The following GRIP1 variants were observed in gnomAD, a reference collection of about 807,000 sequenced individuals.
The protein encoded by GRIP1 is glutamate receptor interacting protein 1.
Under a neutral mutation model 129.9 loss-of-function variants are expected in GRIP1, and 45 were observed. The ratio of observed to expected loss-of-function variants is 0.35; its 90% confidence interval spans 0.27 to 0.44. The LOEUF (loss-of-function observed/expected upper bound fraction) is 0.44. Among genes scored for constraint, GRIP1 ranks in the 20% least tolerant of loss-of-function variants. GRIP1 has a pLI of 1.00. For synonymous variants in GRIP1, 530 were observed against 520.8 expected (o/e 1.02, Z -0.24); for missense variants, 1,196 against 1,396.8 (o/e 0.86, Z 2.29).
At chr12:66,422,559 C>T (rs1047870754) in intron 14 of GRIP1, among the ~76,000 whole-genome samples, 1 of 145,530 alleles carries the variant, frequency 6.9e-6, no homozygotes, top group African/African-American at 2.4e-5. Context: ...CATCACATAG[C>T]ACTCAATGTT....
chr12:67,050,561 C>T (rs764605742), intron 1 of GRIP1, among the ~76,000 whole-genome samples: 1 of 152,142 alleles, frequency 6.6e-6, no homozygotes, highest in Non-Finnish European at 1.5e-5. Flanking sequence ...AATAACACTA[C>T]AGAACGGCAG....
chr12:67,038,074 A>G lies in GRIP1; in HGVS notation c.58+30976T>C, dbSNP rs140874602. ...GATCTACACTGGCTATCTGATGTCT[A>G]TAACTGTTGTCTGACTATCCAATAC... On this transcript the variant is annotated intron_variant, in intron 1 of 1. Coordinates refer to the GRIP1 transcript ENST00000643019. Among the ~76,000 whole-genome samples the G allele has an allele frequency of 2.0e-3, 301 of 152,348 alleles. 3 individuals are homozygous for G. Among genetic ancestry groups the G allele is most frequent in the African/African-American group, 6.9e-3 (288 of 41,586 alleles).
At position 66,776,986 on chromosome 12, in the gene GRIP1, T is replaced by C. The variant is rs1164500227; in HGVS notation, c.-420+27067A>G. Among the ~76,000 whole-genome samples, 3 of 152,324 alleles carry C rather than the reference T, an allele frequency of 2.0e-5. No homozygotes were observed. The East Asian group carries it at 5.8e-4, about 29-fold the overall frequency. On this transcript the variant is annotated intron_variant, in intron 1 of 4. Transcript: ENST00000538373. ...GTGCAAAGATATGTTGATTCCAGGA[T>C]ATATACACGGTCTTGTAGTTCTGAT...
chr12:66,709,877 C>G (rs933151935), intron 1 of GRIP1, among the ~76,000 whole-genome samples: 1 of 151,878 alleles, frequency 6.6e-6, no homozygotes, highest in African/African-American at 2.4e-5. Context: ...TACTATTTAC[C>G]CAGACCTTTG....
At chr12:66,865,453 C>G (rs2040186924) in intron 1 of GRIP1, among the ~76,000 whole-genome samples, 1 of 150,104 alleles carries the variant, frequency 6.7e-6, no homozygotes, top group Non-Finnish European at 1.5e-5. Flanking sequence ...CTAAATAGAG[C>G]TAGCAGATCT....
intron 1 of GRIP1, among the ~76,000 whole-genome samples, chr12:66,778,985 A>C (rs1256094855): frequency 6.6e-6 from 1 of 152,216 alleles, no homozygotes; most frequent in Non-Finnish European, 1.5e-5. Context: ...TGTGAGATTA[A>C]GAGAAGAACA....
At chr12:66,742,068 C>T (rs925206926) in intron 1 of GRIP1, among the ~76,000 whole-genome samples, 1 of 152,106 alleles carries the variant, frequency 6.6e-6, no homozygotes, top group Non-Finnish European at 1.5e-5. Context: ...TATACAGTAA[C>T]TAGGTTATTT....
At chr12:66,857,262 T>C (rs1038939654) in intron 1 of GRIP1, among the ~76,000 whole-genome samples, 10 of 152,016 alleles carry the variant, frequency 6.6e-5, no homozygotes, top group Non-Finnish European at 1.0e-4. Context: ...TTAGGAGATA[T>C]ACCTAATGTT....
At chr12:66,554,137 T>C (rs116286634) in intron 2 of GRIP1, among the ~76,000 whole-genome samples, 2,317 of 152,190 alleles carry the variant, frequency 0.015, 64 homozygotes, top group African/African-American at 0.053. Flanking sequence ...AGTTTGCAGT[T>C]CCAAAAGTGA....
chr12:66,792,486 C>T (rs12301513), intron 1 of GRIP1, among the ~76,000 whole-genome samples: 177 of 152,164 alleles, frequency 1.2e-3, no homozygotes, highest in Non-Finnish European at 1.9e-3. Context: ...GAGGGGTGAG[C>T]TTGAGTTCAG....
chr12:66,392,963 TTA>T, intron 17 of GRIP1, 147 bp from the exon 18 acceptor site: 1 of 783,050 alleles, frequency 1.3e-6, no homozygotes, highest in East Asian at 2.5e-5. Context: ...CTGGGCAATG[TTA>T]TAAGATAACT....
At chr12:66,797,880 T>C (rs1028036957) in intron 1 of GRIP1, among the ~76,000 whole-genome samples, 2 of 152,080 alleles carry the variant, frequency 1.3e-5, no homozygotes, top group African/African-American at 4.8e-5. Context: ...ATTTGCAAAC[T>C]CTCACAGGAG....
intron 2 of GRIP1, among the ~76,000 whole-genome samples, chr12:66,556,540 T>C (rs969384305): frequency 7.2e-5 from 11 of 152,030 alleles, no homozygotes; most frequent in Middle Eastern, 3.4e-3. Context: ...TATAACACTG[T>C]AATGGTGGTA....
rs1024143269 is a variant in GRIP1 at position 66,801,125 on chromosome 12, T to A, written c.-420+2928A>T. ...GAAATCAAGCAAAGTTCAAAATATA[T>A]ACAATATAGTTCTATAACTGGGAAA... is the stretch of plus-strand genomic sequence containing the variant. On this transcript the variant is annotated intron_variant, in intron 1 of 4. Transcript: ENST00000538373. 4.6e-5 allele frequency among the ~76,000 whole-genome samples: 7 copies of A among 152,204 alleles called. No homozygotes were observed. In the South Asian group the frequency reaches 1.5e-3, roughly 32 times the overall value.
intron 1 of GRIP1, among the ~76,000 whole-genome samples, chr12:66,722,139 T>C (rs2036077625): frequency 6.6e-6 from 1 of 152,202 alleles, no homozygotes; most frequent in African/African-American, 2.4e-5. Flanking sequence ...TCCTTTGCAT[T>C]CACAACTTGG....
At chr12:66,778,726 T>C (rs927442423) in intron 1 of GRIP1, among the ~76,000 whole-genome samples, 2 of 152,176 alleles carry the variant, frequency 1.3e-5, no homozygotes, top group Admixed American at 6.6e-5. Context: ...TTCAGTGTAG[T>C]GCTGGAGGTG....
chr12:66,528,285 C>T (rs1052822947), intron 5 of GRIP1, among the ~76,000 whole-genome samples: 1 of 151,874 alleles, frequency 6.6e-6, no homozygotes, highest in South Asian at 2.1e-4. Flanking sequence ...CAGGCGCCTG[C>T]CACCACGCCC....
At chr12:66,873,232 C>G (rs561211914) in intron 1 of GRIP1, among the ~76,000 whole-genome samples, 1 of 152,022 alleles carries the variant, frequency 6.6e-6, no homozygotes, top group Non-Finnish European at 1.5e-5. Context: ...CAGCATACTT[C>G]TATTTGTCAA....
rs914897953 is a variant in GRIP1, at chr12:66,371,663, A to G, written c.3012+31T>C. 8.3e-6 allele frequency: 12 copies of G among 1,449,756 alleles called. No individual in the cohort carries two copies. In the African/African-American group the frequency reaches 1.7e-4, roughly 20 times the overall value. The allele number at this position is 1,449,756 out of a possible 1,614,324, so 89.8% of individuals were successfully genotyped here. A position where few individuals can be genotyped will look rare whatever the true frequency, so the allele number is the denominator to read the frequency against. On this transcript the variant is annotated intron_variant, in intron 23 of 24. Coordinates refer to ENST00000359742, the MANE Select transcript of GRIP1 (RefSeq NM_001366722.1). ...CTATGCAGAATGGCTGCCAAATTTG[A>G]CCCTAGGGAAAGAAGAGAAAGCTTA...
Sources: gnomAD v4.1 joint callset for allele counts (sites outside exome capture counted in the v4.1 genomes callset) on GRCh38, gnomAD v4.1.1 for gene constraint, MANE v1.5 for transcripts, NCBI Gene and HGNC (gene_info 2026-07-23, HGNC 2026-07-21) for gene names.